TNN: variants seen among roughly 807,000 people sequenced by gnomAD.
The protein encoded by TNN is tenascin-N.
TNN carries 122 observed loss-of-function variants against 134.4 expected under a neutral mutation model. The observed-to-expected ratio is 0.91, with a 90% CI of 0.78 to 1.06. The LOEUF is 1.06. Ranked by LOEUF, TNN falls within the 50% of genes least tolerant of loss-of-function variation. The probability of loss-of-function intolerance (pLI) is 0.00; values close to 1 mark genes in which losing one functional copy is unlikely to be tolerated. For synonymous variants in TNN, 710 were observed against 670.3 expected, an observed-to-expected ratio of 1.06 and a Z score of -0.91; for missense variants, 1,739 against 1,699.4, an observed-to-expected ratio of 1.02 and a Z score of -0.41.
chr1:175,082,394 T>C (rs1283508570), intron 4 of TNN, among the ~76,000 whole-genome samples: 7 of 152,220 alleles, frequency 4.6e-5, no homozygotes, highest in Non-Finnish European at 1.5e-5. Flanking sequence ...CCCACCATAA[T>C]CGTGAACATT....
chr1:175,098,606 T>C lies in TNN; in HGVS notation c.2119+11T>C. The C allele has an allele frequency of 6.2e-7, 1 of 1,613,868 alleles. No individual in the cohort carries two copies. The highest frequency in any genetic ancestry group is 1.7e-5 in the Admixed American group (1 of 59,982). On this transcript the variant is annotated intron_variant, in intron 9 of 18. Transcript: ENST00000239462. ...CCAAGGCCCAGACAGGTAAGGAGTG[T>C]GCATTATTGCTGTGCCGATGCCATG...
intron 9 of TNN, among the ~76,000 whole-genome samples, chr1:175,107,334 G>T (rs1274780874): frequency 7.0e-6 from 1 of 143,782 alleles, no homozygotes; most frequent in Non-Finnish European, 1.5e-5. Flanking sequence ...GGCGCATCTG[G>T]AGTCTGTCCC....
Position 175,117,107 on chromosome 1 carries a change from TCCTGACGGG to T in TNN, c.2294_2302del (p.Thr765_Leu767del), listed in dbSNP as rs1266909888. The T allele has an allele frequency of 4.3e-6, 7 of 1,614,112 alleles. No homozygotes were observed. Among genetic ancestry groups the T allele is most frequent in the Non-Finnish European group, 5.1e-6 (6 of 1,180,048 alleles). ...GTGGGGAAGGAGCAGAGTAGCACTG[TCCTGACGGG>T]CCTGAGGCCGGGTGTGGAGTACACG... On this transcript the variant is annotated inframe_deletion, in exon 10 of 19. Coordinates refer to ENST00000239462, the MANE Select transcript of TNN (RefSeq NM_022093.2).
intron 14 of TNN, 30 bp downstream of exon 14, chr1:175,128,194 C>G: frequency 6.4e-7 from 1 of 1,553,722 alleles, no homozygotes; most frequent in Non-Finnish European, 8.7e-7. Flanking sequence ...TCTGAACGAC[C>G]GTGCAATGAG....
intron 8 of TNN, among the ~76,000 whole-genome samples, 180 bp downstream of exon 8, chr1:175,097,863 G>A (rs1674611291): frequency 6.6e-6 from 1 of 152,196 alleles, no homozygotes; most frequent in South Asian, 2.1e-4. Context: ...GTGATGAGCT[G>A]TTCATGAGAC....
intron 15 of TNN, among the ~76,000 whole-genome samples, chr1:175,132,140 C>G (rs1675691204): frequency 6.6e-6 from 1 of 152,160 alleles, no homozygotes; most frequent in Non-Finnish European, 1.5e-5. Context: ...TAAAATTCCA[C>G]TGTCCTTGGT....
In TNN at chr1:175,077,825, C is replaced by G. The variant is rs752685457; in HGVS notation, c.407C>G (p.Thr136Ser). The change falls in exon 2 of 19, where the codon ACT becomes AGT. Residue 136 changes from threonine to serine, a missense_variant and splice_region_variant. Thr to Ser is a moderately conservative substitution (Grantham distance 58). Coordinates refer to ENST00000239462, the MANE Select transcript of TNN (RefSeq NM_022093.2). ...GCCCAGCGCTGCTGCCAGGGAGTCA[C>G]TGGTGAGCTCACCACCTGGTATTCA... is the stretch of plus-strand genomic sequence containing the variant. ...CSAQRCCQGV[T>S]DLSRHCSGHG... 1.9e-6 allele frequency: 3 copies of G among 1,607,764 alleles called. No homozygotes were observed. In the Admixed American group the frequency reaches 5.0e-5, roughly 27 times the overall value.
intron 6 of TNN, among the ~76,000 whole-genome samples, chr1:175,085,874 C>CAA (rs59186260): frequency 0.34 from 27,619 of 81,326 alleles, 4,441 homozygotes; most frequent in East Asian, 0.4. Context: ...AACTCCATCT[C>CAA]AAAAAAAAAA....
chr1:175,068,376 A>C (rs1162761528), intron 1 of TNN, among the ~76,000 whole-genome samples: 1 of 152,102 alleles, frequency 6.6e-6, no homozygotes, highest in Non-Finnish European at 1.5e-5. Context: ...TAAATCCTAA[A>C]ACAGAATTGT....
intron 1 of TNN, among the ~76,000 whole-genome samples, chr1:175,073,836 A>C (rs1166003290): frequency 6.6e-6 from 1 of 151,998 alleles, no homozygotes; most frequent in Non-Finnish European, 1.5e-5. Context: ...GGATCTTTAG[A>C]TATTCCCCTT....
At chr1:175,089,951 G>C (rs6425320) in intron 6 of TNN, among the ~76,000 whole-genome samples, 83,443 of 152,102 alleles carry the variant, frequency 0.55, 23,490 homozygotes, top group African/African-American at 0.69. Flanking sequence ...TGTCACCATT[G>C]AGAACTCCTG....
At chr1:175,093,776 T>C (rs1489930196) in intron 6 of TNN, among the ~76,000 whole-genome samples, 2 of 152,098 alleles carry the variant, frequency 1.3e-5, no homozygotes, top group East Asian at 1.9e-4. Context: ...AAATGGAAAA[T>C]GGAATGGATT....
intron 4 of TNN, among the ~76,000 whole-genome samples, 194 bp downstream of exon 4, chr1:175,080,620 T>A (rs1165470236): frequency 6.6e-6 from 1 of 152,152 alleles, no homozygotes; most frequent in African/African-American, 2.4e-5. Context: ...TCCAAGCCCA[T>A]GAAGACCTGC....
At chr1:175,128,251 G>A in intron 14 of TNN, 87 bp downstream of exon 14, 2 of 1,262,484 alleles carry the variant, frequency 1.6e-6, no homozygotes, top group Non-Finnish European at 2.2e-6. Flanking sequence ...AGGAGCAAGT[G>A]GATGCAGAAC....
At chr1:175,122,429 G>A (rs149812665) in intron 11 of TNN, among the ~76,000 whole-genome samples, 34 of 152,278 alleles carry the variant, frequency 2.2e-4, no homozygotes, top group African/African-American at 7.7e-4. Context: ...GAGAAAGGGA[G>A]CTTTGGGTGC....
At chr1:175,114,483 C>T (rs1299872183) in intron 9 of TNN, among the ~76,000 whole-genome samples, 3 of 152,324 alleles carry the variant, frequency 2.0e-5, no homozygotes, top group South Asian at 2.1e-4. Flanking sequence ...TCAGGTCTGA[C>T]ATGGCATAGA....
chr1:175,073,379 A>C (rs1673963583), intron 1 of TNN, among the ~76,000 whole-genome samples: 1 of 151,966 alleles, frequency 6.6e-6, no homozygotes, highest in Admixed American at 6.6e-5. Flanking sequence ...TTTATCCTAC[A>C]CCTGCCTTCC....
chr1:175,080,060 C>T, intron 3 of TNN, 103 bp from the exon 4 acceptor site: 4 of 1,477,086 alleles, frequency 2.7e-6, no homozygotes, highest in Non-Finnish European at 3.7e-6. Flanking sequence ...TTACACAGGT[C>T]TGCATCCTGC....
At chr1:175,100,957 G>T (rs1396865944) in intron 9 of TNN, among the ~76,000 whole-genome samples, 1 of 152,146 alleles carries the variant, frequency 6.6e-6, no homozygotes, top group South Asian at 2.1e-4. Flanking sequence ...GATCAAATCA[G>T]GGTAATCAGG....
Sources: gnomAD v4.1 joint callset for allele counts (sites outside exome capture counted in the v4.1 genomes callset) on GRCh38, gnomAD v4.1.1 for gene constraint, MANE v1.5 for transcripts, NCBI Gene and HGNC (gene_info 2026-07-23, HGNC 2026-07-21) for gene names.